Variants in SBF2 observed in about 807,000 individuals in gnomAD.
The protein encoded by SBF2 is SET binding factor 2.
A neutral mutation model predicts 225.2 loss-of-function variants in SBF2; 112 were observed. The ratio of observed to expected loss-of-function variants is 0.50; its 90% CI spans 0.43 to 0.58. SBF2 has a LOEUF of 0.58. Among genes scored for constraint, SBF2 ranks in the 20% least tolerant of loss-of-function variants. The pLI is 0.00. For synonymous variants in SBF2, 763 were observed against 773.3 expected (o/e 0.99, Z 0.22); for missense variants, 1,996 against 2,206.2 (o/e 0.90, Z 1.91).
At chr11:10,297,536 A>G (rs1964559408), upstream of SBF2, among the ~76,000 whole-genome samples, 1 of 152,140 alleles carries the variant, frequency 6.6e-6, no homozygotes, top group Admixed American at 6.6e-5. Flanking sequence ...ACTTTGACCC[A>G]TTTTGAGTTA....
intron 17 of SBF2, among the ~76,000 whole-genome samples, chr11:9,868,830 C>A (rs60701769): frequency 0.064 from 9,805 of 152,214 alleles, 501 homozygotes; most frequent in East Asian, 0.29. Flanking sequence ...GATGCTTGAT[C>A]AGACTCAGGC....
chr11:9,962,566 T>C (rs564487734), intron 15 of SBF2, among the ~76,000 whole-genome samples: 11 of 152,176 alleles, frequency 7.2e-5, no homozygotes, highest in Non-Finnish European at 1.2e-4. Context: ...CTTTAAATTA[T>C]GACTGAAAAG....
intron 2 of SBF2, among the ~76,000 whole-genome samples, chr11:10,110,497 ACTT>A (rs1277371110): frequency 6.6e-6 from 1 of 152,164 alleles, no homozygotes; most frequent in African/African-American, 2.4e-5. Flanking sequence ...TCTAAAATAA[ACTT>A]CTATGCACAA....
At chr11:9,957,623 C>T (rs1461714402) in intron 16 of SBF2, 4 of 151,928 alleles carry the variant, frequency 2.6e-5, no homozygotes, top group African/African-American at 9.7e-5. Flanking sequence ...CCATGCCCGG[C>T]TAATTTTTTG....
At chr11:9,827,187 A>G (rs1855120784) in intron 28 of SBF2, among the ~76,000 whole-genome samples, 1 of 152,080 alleles carries the variant, frequency 6.6e-6, no homozygotes, top group Non-Finnish European at 1.5e-5. Context: ...GGTGAGAGGA[A>G]GAGTCTAAGA....
At chr11:10,232,324 T>C (rs1958891570) in intron 1 of SBF2, among the ~76,000 whole-genome samples, 1 of 152,210 alleles carries the variant, frequency 6.6e-6, no homozygotes, top group African/African-American at 2.4e-5. Flanking sequence ...CTGCACCCAC[T>C]GTCCGGCACT....
intron 2 of SBF2, among the ~76,000 whole-genome samples, chr11:10,092,465 C>G (rs1951822285): frequency 6.6e-6 from 1 of 152,142 alleles, no homozygotes; most frequent in South Asian, 2.1e-4. Context: ...AAGTGAAAAA[C>G]TTTGACTTGC....
At chr11:9,796,440 G>T (rs1185330394) in intron 32 of SBF2, among the ~76,000 whole-genome samples, 1 of 152,122 alleles carries the variant, frequency 6.6e-6, no homozygotes, top group Non-Finnish European at 1.5e-5. Context: ...GTAATAGTGT[G>T]ACATACAACA....
chr11:10,183,645 A>T (rs1464945380), intron 2 of SBF2, among the ~76,000 whole-genome samples: 2 of 152,218 alleles, frequency 1.3e-5, no homozygotes, highest in Non-Finnish European at 2.9e-5. Context: ...CAGTTGTTCT[A>T]GCACCATTTG....
At chr11:10,188,356 C>T (rs16907561) in intron 2 of SBF2, among the ~76,000 whole-genome samples, 14,491 of 152,152 alleles carry the variant, frequency 0.095, 945 homozygotes, top group East Asian at 0.28. Context: ...TACCATGTAA[C>T]GAAGTCCAGG....
In SBF2 at chr11:9,832,369, T is replaced by C. The variant is rs780690553; in HGVS notation, c.3507A>G (p.Pro1169=). The C allele has an allele frequency of 5.0e-6, 8 of 1,613,956 alleles. No individual in the cohort carries two copies. Among genetic ancestry groups the C allele is most frequent in the Non-Finnish European group, 6.8e-6 (8 of 1,180,008 alleles). ...VPQAVQDSSL[P]RVARCYRHNR... ...TGTGTCGATAGCAGCGAGCTACTCT[T>C]GGTAAACTACTGTCCTGTACAGCTT... The change falls in exon 27 of 40, where the codon CCA becomes CCG. Residue 1169 remains proline, a synonymous_variant. Coordinates refer to ENST00000256190, the MANE Select transcript of SBF2 (RefSeq NM_030962.4).
At chr11:10,091,348 CCTT>C in intron 2 of SBF2, among the ~76,000 whole-genome samples, 1 of 152,184 alleles carries the variant, frequency 6.6e-6, no homozygotes, top group Non-Finnish European at 1.5e-5. Context: ...TGATTACTGT[CCTT>C]CTCCACAGAA....
At chr11:10,155,886 TGGCCAGTTTGGAGGAGCCCCTGTGG>T (rs1185419551) in intron 2 of SBF2, among the ~76,000 whole-genome samples, 1 of 152,244 alleles carries the variant, frequency 6.6e-6, no homozygotes, top group Non-Finnish European at 1.5e-5. Context: ...ATGGTGGCAG[TGGCCAGTTTGGAGGAGCCCCTGTGG>T]GGATGCCAGC....
chr11:9,832,624 A>C (rs1855470878), intron 26 of SBF2, among the ~76,000 whole-genome samples: 1 of 152,178 alleles, frequency 6.6e-6, no homozygotes, highest in Non-Finnish European at 1.5e-5. Context: ...TTATTTTTGT[A>C]GAGACAGGGT....
chr11:10,278,746 T>C (rs1462361712), intron 1 of SBF2, among the ~76,000 whole-genome samples: 1 of 149,362 alleles, frequency 6.7e-6, no homozygotes, highest in Non-Finnish European at 1.5e-5. Flanking sequence ...CCGAGCCCCA[T>C]TGCACTCCAG....
At chr11:10,079,994 T>C (rs528768849) in intron 2 of SBF2, among the ~76,000 whole-genome samples, 1 of 143,356 alleles carries the variant, frequency 7.0e-6, no homozygotes, top group African/African-American at 2.5e-5. Flanking sequence ...ATGCCTGTAA[T>C]CCCTGCACTT....
At chr11:10,038,768 A>C (rs954093618) in intron 3 of SBF2, among the ~76,000 whole-genome samples, 2 of 151,884 alleles carry the variant, frequency 1.3e-5, no homozygotes, top group African/African-American at 4.8e-5. Flanking sequence ...GACACACCAA[A>C]TGTTCTCACT....
chr11:10,274,415 C>T (rs952827884), intron 1 of SBF2, among the ~76,000 whole-genome samples: 1 of 152,066 alleles, frequency 6.6e-6, no homozygotes, highest in Admixed American at 6.6e-5. Flanking sequence ...TTAAGGGTTT[C>T]ATTTTATTAA....
intron 2 of SBF2, among the ~76,000 whole-genome samples, chr11:10,094,441 T>C (rs894222539): frequency 4.6e-5 from 7 of 151,958 alleles, no homozygotes; most frequent in Admixed American, 2.0e-4. Context: ...TAAACCTGAC[T>C]GCCTATAAAG....
Sources: gnomAD v4.1 joint callset for allele counts (sites outside exome capture counted in the v4.1 genomes callset) on GRCh38, gnomAD v4.1.1 for gene constraint, MANE v1.5 for transcripts, NCBI Gene and HGNC (gene_info 2026-07-23, HGNC 2026-07-21) for gene names.